The following MMS22L variants were observed in gnomAD, a reference collection of about 807,000 sequenced individuals.
MMS22L encodes the protein MMS22 like, DNA repair protein.
A neutral mutation model predicts 159.1 loss-of-function variants in MMS22L; 74 were observed. That is an observed-to-expected ratio of 0.47 (90% CI 0.39 to 0.56). The LOEUF is 0.56. Among genes scored for constraint, MMS22L ranks in the 20% least tolerant of loss-of-function variants. MMS22L has a pLI of 0.00. For synonymous variants in MMS22L, 517 were observed against 506.9 expected (o/e 1.02, Z -0.27); for missense variants, 1,351 against 1,422.1 (o/e 0.95, Z 0.80).
rs1485290171 is a variant in MMS22L at position 97,145,061 on chromosome 6, C to CAAA, written c.*1744_*1745insTTT. 4 of 144,856 alleles carry CAAA rather than the reference C, an allele frequency of 2.8e-5. No homozygotes were observed. Among genetic ancestry groups the CAAA allele is most frequent in the African/African-American group, 1.1e-4 (4 of 36,492 alleles). 9.0% of individuals were successfully genotyped at this position (144,856 alleles called of 1,614,324 possible). ...ACACACACACACACACACACACACA[C>CAAA]ACACAAAAACACATATACACATAAA... On this transcript the variant is annotated 3_prime_UTR_variant, in exon 25 of 25. Transcript: ENST00000683635.
At chr6:97,209,995 A>T (rs944197302) in intron 14 of MMS22L, among the ~76,000 whole-genome samples, 1 of 151,910 alleles carries the variant, frequency 6.6e-6, no homozygotes, top group Admixed American at 6.6e-5. Flanking sequence ...TTGCTTAAAA[A>T]TGTTAAAATA....
chr6:97,214,016 T>C (rs74385085), intron 14 of MMS22L, among the ~76,000 whole-genome samples: 2,788 of 152,300 alleles, frequency 0.018, 85 homozygotes, highest in African/African-American at 0.064. Flanking sequence ...GTTGGATATA[T>C]GTAATTGGAT....
At chr6:97,149,294 T>A (rs946419536) in intron 24 of MMS22L, among the ~76,000 whole-genome samples, 23 of 152,130 alleles carry the variant, frequency 1.5e-4, no homozygotes, top group Admixed American at 1.4e-3. Flanking sequence ...CTTTAAGAAA[T>A]AAATATAGGC....
intron 8 of MMS22L, chr6:97,267,524 C>T (rs1400252596): frequency 6.5e-6 from 1 of 154,370 alleles, no homozygotes; most frequent in African/African-American, 2.4e-5. Flanking sequence ...AACAGTAATA[C>T]AATACATTAT....
In MMS22L at chr6:97,229,000, G is replaced by A; in HGVS notation, c.1933C>T (p.His645Tyr). The A allele has an allele frequency of 6.2e-7, 1 of 1,614,048 alleles. No individual in the cohort carries two copies. The highest frequency in any genetic ancestry group is 2.2e-5 in the East Asian group (1 of 44,862). Residue 645 changes from histidine (H) to tyrosine (Y), a missense_variant, in exon 14 of 25, where the codon CAT (histidine) becomes TAT (tyrosine). His to Tyr is a moderately conservative substitution (Grantham distance 83). Transcript: ENST00000683635. ...FETSYCLYPS[H>Y]EKLLNDGFSM... is the part of the protein sequence containing the mutation. Reference sequence around the variant, plus strand: ...AATCCATCATTAAGCAGTTTTTCATGGGAAGGATACAAGCAATAGCTGGTC... The same window carrying A: ...AATCCATCATTAAGCAGTTTTTCATAGGAAGGATACAAGCAATAGCTGGTC...
At position 97,145,066 on chromosome 6, in the gene MMS22L, A is replaced by AC. The variant is rs59932333; in HGVS notation, c.*1739_*1740insG. ...CACACACACACACACACACACACAC[A>AC]AAAACACATATACACATAAATAACC... On this transcript the variant is annotated 3_prime_UTR_variant, in exon 25 of 25. Transcript: ENST00000683635. 52,450 of 129,828 alleles carry AC rather than the reference A, an allele frequency of 0.4. 11,875 individuals carry two copies. The highest frequency in any genetic ancestry group is 0.47 in the South Asian group (2,044 of 4,310). The allele number at this position is 129,828 out of a possible 1,614,324, so 8.0% of individuals were successfully genotyped here.
At chr6:97,236,346 GAA>G (rs1811409817) in intron 11 of MMS22L, among the ~76,000 whole-genome samples, 1 of 143,432 alleles carries the variant, frequency 7.0e-6, no homozygotes, top group Non-Finnish European at 1.5e-5. Context: ...AAAAAAAAGA[GAA>G]GTTCTGAAGT....
intron 14 of MMS22L, among the ~76,000 whole-genome samples, chr6:97,220,323 A>G (rs980025233): frequency 9.2e-5 from 14 of 152,204 alleles, no homozygotes; most frequent in African/African-American, 3.4e-4. Context: ...ATGATAAGAA[A>G]TGTGAAATTT....
At chr6:97,151,745 T>C (rs763151107) in intron 23 of MMS22L, 26 bp downstream of exon 23, 1 of 1,587,808 alleles carries the variant, frequency 6.3e-7, no homozygotes, top group South Asian at 1.1e-5. Context: ...ATAGTTTCCT[T>C]GCCAGGTGGC....
In MMS22L at chr6:97,220,292, C is replaced by A. The variant is rs112154136; in HGVS notation, c.2039+8602G>T. On this transcript the variant is annotated intron_variant, in intron 14 of 24. Transcript: ENST00000683635. ...AGTTACAGATTAAGGTAAAAGAAGA[C>A]TGTGGATGGCTTTAAAGACCATGAT... Among the ~76,000 whole-genome samples the A allele has an allele frequency of 2.8e-3, 424 of 152,258 alleles. 1 individual carries two copies. The highest frequency in any genetic ancestry group is 9.6e-3 in the African/African-American group (400 of 41,540).
At chr6:97,252,072 G>A (rs1488960606) in intron 10 of MMS22L, among the ~76,000 whole-genome samples, 1 of 147,374 alleles carries the variant, frequency 6.8e-6, no homozygotes, top group African/African-American at 2.5e-5. Flanking sequence ...GACAGAGCGA[G>A]ACTCCATCTC....
At chr6:97,241,739 T>TA (rs1364615781) in intron 11 of MMS22L, among the ~76,000 whole-genome samples, 1 of 152,238 alleles carries the variant, frequency 6.6e-6, no homozygotes, top group Non-Finnish European at 1.5e-5. Flanking sequence ...TGTAGGCATT[T>TA]AATGCTATGA....
At chr6:97,259,824 TTA>T (rs1424683687) in intron 9 of MMS22L, 7 of 152,134 alleles carry the variant, frequency 4.6e-5, no homozygotes, top group African/African-American at 7.2e-5. Flanking sequence ...ATATAAGAAT[TTA>T]GTTTCTACTA....
intron 10 of MMS22L, among the ~76,000 whole-genome samples, chr6:97,248,636 G>GATC (rs1237505230): frequency 1.3e-5 from 2 of 152,150 alleles, no homozygotes; most frequent in Non-Finnish European, 2.9e-5. Flanking sequence ...GAAGCAGGCA[G>GATC]ATCACTTGAG....
intron 3 of MMS22L, among the ~76,000 whole-genome samples, chr6:97,279,831 T>G (rs1021884593): frequency 4.0e-5 from 6 of 151,680 alleles, no homozygotes; most frequent in Non-Finnish European, 7.4e-5. Context: ...CATTCTAGGT[T>G]AACAGTTACA....
At chr6:97,194,889 T>C (rs1806315711) in intron 14 of MMS22L, among the ~76,000 whole-genome samples, 1 of 152,082 alleles carries the variant, frequency 6.6e-6, no homozygotes, top group African/African-American at 2.4e-5. Context: ...ATTCAACATA[T>C]ACAGCATACG....
intron 14 of MMS22L, among the ~76,000 whole-genome samples, chr6:97,187,577 A>C (rs1479010293): frequency 6.6e-6 from 1 of 151,046 alleles, no homozygotes; most frequent in Non-Finnish European, 1.5e-5. Flanking sequence ...TTACATTTGC[A>C]TTTTTTTTTC....
intron 18 of MMS22L, among the ~76,000 whole-genome samples, chr6:97,175,755 A>C (rs1804051004): frequency 6.6e-6 from 1 of 152,166 alleles, no homozygotes. Context: ...TGACAAATAC[A>C]AGTTTCTCAA....
At chr6:97,167,950 G>C (rs928294445) in intron 20 of MMS22L, 121 bp downstream of exon 20, 4 of 838,896 alleles carry the variant, frequency 4.8e-6, no homozygotes, top group Non-Finnish European at 7.1e-6. Context: ...CAATAAATGT[G>C]CCACACAAGC....
Sources: gnomAD v4.1 joint callset for allele counts (sites outside exome capture counted in the v4.1 genomes callset) on GRCh38, gnomAD v4.1.1 for gene constraint, MANE v1.5 for transcripts, NCBI Gene and HGNC (gene_info 2026-07-23, HGNC 2026-07-21) for gene names.